Variants in EXOC4 observed in about 807,000 individuals in gnomAD.
EXOC4 encodes the protein exocyst complex component 4, also known as SEC8-like 1.
Under a neutral mutation model 107.2 loss-of-function variants are expected in EXOC4, and 71 were observed. The ratio of observed to expected loss-of-function variants is 0.66; its 90% CI spans 0.55 to 0.81. EXOC4 has a LOEUF of 0.81. EXOC4 is among the 30% of genes least tolerant of loss of function. The pLI is 0.00. For missense variants in EXOC4, 1,108 were observed against 1,189.6 expected (o/e 0.93, Z 1.01); for synonymous variants, 456 against 441.2 (o/e 1.03, Z -0.42).
intron 10 of EXOC4, among the ~76,000 whole-genome samples, chr7:133,690,156 C>G (rs1026594586): frequency 6.6e-6 from 1 of 152,182 alleles, no homozygotes; most frequent in African/African-American, 2.4e-5. Flanking sequence ...CTTGGTACTT[C>G]AGCATGAGTT....
At chr7:133,513,257 C>G (rs1465640533) in intron 9 of EXOC4, among the ~76,000 whole-genome samples, 1 of 152,030 alleles carries the variant, frequency 6.6e-6, no homozygotes, top group Non-Finnish European at 1.5e-5. Flanking sequence ...TTGGTAGAAA[C>G]AGGGTTTCAC....
intron 10 of EXOC4, among the ~76,000 whole-genome samples, chr7:133,676,147 A>G (rs1794052787): frequency 6.6e-6 from 1 of 151,974 alleles, no homozygotes; most frequent in Non-Finnish European, 1.5e-5. Context: ...ATATTTATTG[A>G]GTGCCCGTTA....
intron 14 of EXOC4, among the ~76,000 whole-genome samples, chr7:133,960,447 C>T (rs1329078777): frequency 6.6e-6 from 1 of 152,148 alleles, no homozygotes; most frequent in Non-Finnish European, 1.5e-5. Flanking sequence ...CTTTGAATGT[C>T]TGGCAGAATT....
intron 9 of EXOC4, among the ~76,000 whole-genome samples, chr7:133,500,594 C>G (rs1225842464): frequency 6.6e-6 from 1 of 152,166 alleles, no homozygotes; most frequent in African/African-American, 2.4e-5. Flanking sequence ...TAATGCTGCC[C>G]TGAACATTTG....
At chr7:134,100,150 G>A in the EXOC4 span, among the ~76,000 whole-genome samples, 1 of 152,120 alleles carries the variant, frequency 6.6e-6, no homozygotes, top group South Asian at 2.1e-4. Flanking sequence ...CATGAACCTT[G>A]TTAATGGGTG....
In EXOC4 at chr7:133,526,451, A is replaced by G. The variant is rs112483900; in HGVS notation, c.1417+46313A>G. 1.8e-3 allele frequency among the ~76,000 whole-genome samples: 277 copies of G among 152,310 alleles called. 1 individual carries two copies. The highest frequency in any genetic ancestry group is 6.2e-3 in the African/African-American group (258 of 41,574). ...GCTTGCAGAGAATTCTTTAAAAACA[A>G]TGAAAACAAGAACAAACAAAGATTT... is the stretch of plus-strand genomic sequence containing the variant. On this transcript the variant is annotated intron_variant, in intron 9 of 17. Transcript: ENST00000253861.
At chr7:133,402,496 T>C (rs1797112881) in intron 7 of EXOC4, among the ~76,000 whole-genome samples, 1 of 152,146 alleles carries the variant, frequency 6.6e-6, no homozygotes, top group African/African-American at 2.4e-5. Context: ...TGCGTTTCAT[T>C]CATTCATTTA....
At chr7:134,038,000 A>G (rs1211011670) in intron 17 of EXOC4, among the ~76,000 whole-genome samples, 9 of 152,236 alleles carry the variant, frequency 5.9e-5, no homozygotes, top group Non-Finnish European at 1.3e-4. Context: ...GCAAACATAG[A>G]TAACTTATCT....
At chr7:133,466,584 A>G (rs948487900) in intron 7 of EXOC4, among the ~76,000 whole-genome samples, 7 of 152,194 alleles carry the variant, frequency 4.6e-5, no homozygotes, top group Admixed American at 1.3e-4. Context: ...TACATAATTC[A>G]CACAAATATT....
chr7:133,811,807 A>C (rs1355302928), intron 10 of EXOC4, among the ~76,000 whole-genome samples: 1 of 152,196 alleles, frequency 6.6e-6, no homozygotes, highest in African/African-American at 2.4e-5. Flanking sequence ...TTGTATTGAA[A>C]TCTGTAGTCC....
intron 3 of EXOC4, among the ~76,000 whole-genome samples, chr7:133,293,848 CAG>C (rs1486860112): frequency 6.6e-6 from 1 of 152,154 alleles, no homozygotes; most frequent in African/African-American, 2.4e-5. Context: ...ACATTGAAAT[CAG>C]AGACTTGATT....
chr7:133,557,522 A>T (rs1046780699), intron 9 of EXOC4, among the ~76,000 whole-genome samples: 1 of 152,172 alleles, frequency 6.6e-6, no homozygotes, highest in Non-Finnish European at 1.5e-5. Flanking sequence ...ACTTCAAATT[A>T]TTTTATTTTG....
intron 7 of EXOC4, among the ~76,000 whole-genome samples, chr7:133,405,696 C>T (rs549658683): frequency 3.9e-5 from 6 of 152,102 alleles, no homozygotes; most frequent in East Asian, 3.9e-4. Context: ...CTATACATAA[C>T]TATGATAAAC....
At chr7:133,265,136 A>C (rs1469988195) in intron 1 of EXOC4, among the ~76,000 whole-genome samples, 1 of 152,142 alleles carries the variant, frequency 6.6e-6, no homozygotes, top group Non-Finnish European at 1.5e-5. Context: ...TAGCAACAGG[A>C]ATATTATGTT....
At chr7:133,286,585 T>C (rs1210950104) in intron 2 of EXOC4, among the ~76,000 whole-genome samples, 1 of 152,200 alleles carries the variant, frequency 6.6e-6, no homozygotes, top group Admixed American at 6.5e-5. Flanking sequence ...AGCTTGTCCA[T>C]AATGATTGGG....
intron 7 of EXOC4, among the ~76,000 whole-genome samples, chr7:133,386,593 A>G (rs1293815403): frequency 6.6e-6 from 1 of 152,202 alleles, no homozygotes; most frequent in Non-Finnish European, 1.5e-5. Flanking sequence ...GAAGGCTGGA[A>G]TATAGAATGG....
At chr7:133,497,717 C>T (rs941045330) in intron 9 of EXOC4, among the ~76,000 whole-genome samples, 3 of 152,148 alleles carry the variant, frequency 2.0e-5, no homozygotes, top group African/African-American at 7.2e-5. Context: ...GGGTGAGCCA[C>T]CACGCCCTGG....
At position 133,329,268 on chromosome 7, in the gene EXOC4, T is replaced by G. The variant is rs550803554; in HGVS notation, c.763+11878T>G. 2.6e-5 allele frequency among the ~76,000 whole-genome samples: 4 copies of G among 152,350 alleles called. No individual in the cohort carries two copies. The East Asian group carries it at 7.7e-4, about 29-fold the overall frequency. On this transcript the variant is annotated intron_variant, in intron 5 of 17. Transcript: ENST00000253861. The stretch of plus-strand genomic sequence containing the variant: ...TCTTGTACTGTGGTTTTCAGCTCCA[T>G]CAGGTCATTTAAGCTCTTCTCTATA...
intron 11 of EXOC4, among the ~76,000 whole-genome samples, chr7:133,857,136 ATACACATACACG>A (rs1798397387): frequency 5.3e-5 from 4 of 74,832 alleles, no homozygotes; most frequent in Non-Finnish European, 9.7e-5. Flanking sequence ...GTATATATAT[ATACACATACACG>A]TATATATATA....
Sources: gnomAD v4.1 joint callset for allele counts (sites outside exome capture counted in the v4.1 genomes callset) on GRCh38, gnomAD v4.1.1 for gene constraint, MANE v1.5 for transcripts, NCBI Gene and HGNC (gene_info 2026-07-23, HGNC 2026-07-21) for gene names.